Variants in ERBIN observed in about 807,000 individuals in gnomAD.
The protein encoded by ERBIN is densin-180-like protein.
A neutral mutation model predicts 158.4 loss-of-function variants in ERBIN; 60 were observed. That is an observed-to-expected ratio of 0.38 (90% CI 0.31 to 0.47). ERBIN has a LOEUF of 0.47. ERBIN is among the 20% of genes least tolerant of loss of function. The pLI, the probability that ERBIN is intolerant of heterozygous loss-of-function variation, is 0.99. For synonymous variants in ERBIN, 594 were observed against 557.2 expected (o/e 1.07, Z -0.93); for missense variants, 1,610 against 1,648.0 (o/e 0.98, Z 0.40).
Position 66,076,325 on chromosome 5 carries a change from A to C in ERBIN, c.3973A>C (p.Arg1325=). The change falls in exon 24 of 26, where the codon AGG becomes CGG. Residue 1325 remains arginine (R), a synonymous_variant. Transcript: ENST00000284037. ...HELAKQEIRV[R]VEKDPELGFS... ...TTTCATATTAACTCAGATTCGAGTG[A>C]GGGTTGAAAAGGATCCAGAACTTGG... The C allele has an allele frequency of 6.2e-7, 1 of 1,612,756 alleles. No individual in the cohort carries two copies. The highest frequency in any genetic ancestry group is 8.5e-7 in the Non-Finnish European group (1 of 1,179,562).
At chr5:65,994,423 T>A (rs1008436909) in intron 3 of ERBIN, among the ~76,000 whole-genome samples, 1 of 152,222 alleles carries the variant, frequency 6.6e-6, no homozygotes, top group African/African-American at 2.4e-5. Context: ...CATTTTGGAA[T>A]AAGGTTGCTT....
At chr5:66,051,623 G>A (rs2151230217) in intron 20 of ERBIN, among the ~76,000 whole-genome samples, 1 of 152,318 alleles carries the variant, frequency 6.6e-6, no homozygotes, top group Non-Finnish European at 1.5e-5. Context: ...TGAGCATGGT[G>A]GCTTAAACGT....
chr5:66,074,546 T>C (rs1761813956), intron 22 of ERBIN, among the ~76,000 whole-genome samples: 1 of 152,214 alleles, frequency 6.6e-6, no homozygotes, highest in Non-Finnish European at 1.5e-5. Flanking sequence ...GAAAGAATTT[T>C]ACCACAAAAT....
intron 1 of ERBIN, among the ~76,000 whole-genome samples, chr5:65,976,520 CTTTT>C (rs778638629): frequency 7.2e-6 from 1 of 138,062 alleles, no homozygotes; most frequent in African/African-American, 2.6e-5. Flanking sequence ...TTTCTTTTTT[CTTTT>C]TTTTTTTTTT....
intron 1 of ERBIN, among the ~76,000 whole-genome samples, chr5:65,974,604 C>T (rs2150995124): frequency 6.6e-6 from 1 of 152,366 alleles, no homozygotes; most frequent in South Asian, 2.1e-4. Context: ...ACTCTTCCTG[C>T]TCCTGTAGGT....
intron 21 of ERBIN, among the ~76,000 whole-genome samples, chr5:66,057,512 AT>A (rs1282222294): frequency 4.6e-5 from 7 of 152,180 alleles, no homozygotes; most frequent in Non-Finnish European, 1.0e-4. Flanking sequence ...ATAGTTCATA[AT>A]TTTAAAATAT....
At chr5:66,022,389 T>TA (rs1755794567) in intron 8 of ERBIN, among the ~76,000 whole-genome samples, 1 of 152,222 alleles carries the variant, frequency 6.6e-6, no homozygotes, top group South Asian at 2.1e-4. Flanking sequence ...TTTTAAAACT[T>TA]ACAGTAGAAT....
Position 66,076,402 on chromosome 5 carries a change from T to G in ERBIN, c.4050T>G (p.Asp1350Glu). 1 of 1,608,586 alleles carries G rather than the reference T, an allele frequency of 6.2e-7. No homozygotes were observed. The highest frequency in any genetic ancestry group is 8.5e-7 in the Non-Finnish European group (1 of 1,177,728). The change falls in exon 24 of 26, where the codon GAT (aspartate) becomes GAG (glutamate). Residue 1350 changes from aspartate (D) to glutamate (E), a missense_variant. Around this residue, in one of 2 missense-constraint regions of ERBIN, gnomAD observed 1,014 missense variants for 936.1 expected, o/e 1.08. Coordinates refer to ENST00000284037, the MANE Select transcript of ERBIN (RefSeq NM_001253697.2). ...VGGRGNPFRP[D>E]DDGIFVTRVQ... is the part of the protein sequence containing the mutation. ...GTAGAGGAAACCCATTCAGACCTGATGATGATGTAAGTTTTCTTTGTATAT... is the reference window on the plus strand; with the variant it reads ...GTAGAGGAAACCCATTCAGACCTGAGGATGATGTAAGTTTTCTTTGTATAT...
intron 15 of ERBIN, among the ~76,000 whole-genome samples, chr5:66,039,045 TTTA>T (rs1454788726): frequency 6.6e-6 from 1 of 151,520 alleles, no homozygotes; most frequent in Non-Finnish European, 1.5e-5. Flanking sequence ...TGTGTGTGTG[TTTA>T]TTGTGTTACA....
rs146883473 is a variant in ERBIN, at chr5:66,054,036, T to C, written c.2718T>C (p.Asp906=). The change falls in exon 21 of 26, where the codon GAT becomes GAC. Residue 906 remains aspartate, a synonymous_variant. Transcript: ENST00000284037. ...CCGTTAAAATCACATCTGCTGTTGATGGAAAAAATATAGTCAGGAGCAAGT... is the reference window on the plus strand; with the variant it reads ...CCGTTAAAATCACATCTGCTGTTGACGGAAAAAATATAGTCAGGAGCAAGT... ...STTVKITSAV[D]GKNIVRSKSA... 767 of 1,614,166 alleles carry C rather than the reference T, an allele frequency of 4.8e-4. 9 individuals carry two copies. In the East Asian group the frequency reaches 0.016, roughly 33 times the overall value.
intron 21 of ERBIN, among the ~76,000 whole-genome samples, chr5:66,061,028 T>C (rs954154066): frequency 7.9e-5 from 12 of 152,200 alleles, no homozygotes. Context: ...TCTGTTGATT[T>C]GGGGTGGAGA....
Position 66,017,516 on chromosome 5 carries a change from GA to G in ERBIN, c.533+2793del, listed in dbSNP as rs1292878747. On this transcript the variant is annotated intron_variant, in intron 7 of 25. Transcript: ENST00000284037. ...CAGATCTCTGGTGCATTTTACAATA[GA>G]ATTTTTTTTTTTTTTTTTGCTATTG... 1.6e-3 allele frequency among the ~76,000 whole-genome samples: 135 copies of G among 83,746 alleles called. 2 individuals are homozygous for G. The highest frequency in any genetic ancestry group is 0.011 in the Middle Eastern group (2 of 176). The allele number at this position is 83,746 out of a possible 152,430, so 54.9% of individuals were successfully genotyped here.
intron 7 of ERBIN, among the ~76,000 whole-genome samples, chr5:66,017,685 A>G (rs76082545): frequency 0.017 from 2,637 of 151,620 alleles, 80 homozygotes; most frequent in African/African-American, 0.061. Flanking sequence ...CCATTTGTCT[A>G]TTTTTGTTGC....
At chr5:66,025,277 T>C in intron 10 of ERBIN, 1 of 571,672 alleles carries the variant, frequency 1.7e-6, no homozygotes, top group Non-Finnish European at 3.1e-6. Context: ...ATGTACACTA[T>C]GTTAAATAGT....
intron 24 of ERBIN, 55 bp from the exon 25 acceptor site, chr5:66,076,820 A>G: frequency 7.6e-7 from 1 of 1,314,224 alleles, no homozygotes; most frequent in East Asian, 2.3e-5. Flanking sequence ...GCTCCTTGGT[A>G]CTCTGTTATT....
Position 66,050,904 on chromosome 5 carries a change from T to G in ERBIN, c.2025T>G (p.Ser675Arg). 1 of 1,607,020 alleles carries G rather than the reference T, an allele frequency of 6.2e-7. No homozygotes were observed. Among genetic ancestry groups the G allele is most frequent in the Non-Finnish European group, 8.5e-7 (1 of 1,177,984 alleles). The change falls in exon 20 of 26, where the codon AGT becomes AGG. Residue 675 changes from serine (S) to arginine (R), a missense_variant. Around this residue, in one of 2 missense-constraint regions of ERBIN, gnomAD observed 1,014 missense variants for 936.1 expected, o/e 1.08. Transcript: ENST00000284037. The part of the protein sequence containing the change: ...SDSVSLNTDS[S>R]QDTSLCSPVK... Reference sequence around the variant, plus strand: ...CAGTTTCTCTTAATACTGATAGTAGTCAAGACACCTCACTCTGCTCTCCAG... The same window carrying G: ...CAGTTTCTCTTAATACTGATAGTAGGCAAGACACCTCACTCTGCTCTCCAG...
chr5:65,953,499 G>C (rs757261762), intron 1 of ERBIN, among the ~76,000 whole-genome samples: 156 of 152,094 alleles, frequency 1.0e-3, no homozygotes, highest in Non-Finnish European at 1.8e-3. Context: ...CTGTTGTTTA[G>C]GTCTAAGGGA....
Position 66,023,315 on chromosome 5 carries a change from G to T in ERBIN, c.623G>T (p.Gly208Val). The T allele has an allele frequency of 6.2e-7, 1 of 1,613,248 alleles. No homozygotes were observed. The highest frequency in any genetic ancestry group is 8.5e-7 in the Non-Finnish European group (1 of 1,179,470). ...CCTGAAGTACTTGAGCAACTAAGTGGATTGAAAGAGTTTTGGATGGATGCT... is the reference window on the plus strand; with the variant it reads ...CCTGAAGTACTTGAGCAACTAAGTGTATTGAAAGAGTTTTGGATGGATGCT... ...EVPEVLEQLS[G>V]LKEFWMDANR... The change falls in exon 9 of 26, where the codon GGA becomes GTA. Residue 208 changes from glycine (G) to valine (V), a missense_variant. By Grantham distance (109) the Gly-to-Val change is moderately radical (BLOSUM62 -3). Around this residue, in one of 2 missense-constraint regions of ERBIN, gnomAD observed 596 missense variants for 711.9 expected, o/e 0.84. Transcript: ENST00000284037.
chr5:66,001,299 T>C (rs755608831), intron 4 of ERBIN, among the ~76,000 whole-genome samples: 1 of 152,172 alleles, frequency 6.6e-6, no homozygotes, highest in Non-Finnish European at 1.5e-5. Flanking sequence ...CATAATATGC[T>C]AGGTACAGTT....
Sources: gnomAD v4.1 joint callset for allele counts (sites outside exome capture counted in the v4.1 genomes callset) on GRCh38, gnomAD v4.1.1 for gene constraint, gnomAD v4.1.1 regional missense constraint, MANE v1.5 for transcripts, NCBI Gene and HGNC (gene_info 2026-07-23, HGNC 2026-07-21) for gene names.